EFCAB13: variants seen among roughly 807,000 people sequenced by gnomAD.
The protein encoded by EFCAB13 is EF-hand calcium binding domain 13, also known as EF-hand calcium-binding domain-containing protein 13.
EFCAB13 carries 91 observed loss-of-function variants against 110.2 expected under a neutral mutation model. That is an observed-to-expected ratio of 0.83 (90% CI 0.70 to 0.98). The LOEUF (loss-of-function observed/expected upper bound fraction) is 0.98, where lower values mean the gene tolerates loss of function less well. Among genes scored for constraint, EFCAB13 ranks in the 50% least tolerant of loss-of-function variants. The probability of loss-of-function intolerance (pLI) is 0.00; values close to 1 mark genes in which losing one functional copy is unlikely to be tolerated. For missense variants in EFCAB13, 968 were observed against 1,119.4 expected, an observed-to-expected ratio of 0.86 and a Z score of 1.93; for synonymous variants, 323 against 369.9, an observed-to-expected ratio of 0.87 and a Z score of 1.45.
chr17:47,379,095 A>C, intron 13 of EFCAB13, 87 bp from the exon 14 acceptor site: 1 of 944,964 alleles, frequency 1.1e-6, no homozygotes, highest in South Asian at 1.4e-5. Context: ...GATCAAGTAA[A>C]TTTTAAAAAT....
intron 20 of EFCAB13, 177 bp from the exon 21 acceptor site, chr17:47,409,470 G>A (rs1371361371): frequency 1.4e-5 from 8 of 586,992 alleles, no homozygotes; most frequent in Non-Finnish European, 2.5e-5. Context: ...AGCAAAGAGT[G>A]AGGAGAGAAT....
chr17:47,424,874 C>CTTTTTTTTTTTTT lies in EFCAB13; in HGVS notation c.2495-4930_2495-4918dup, dbSNP rs548271723. Among the ~76,000 whole-genome samples the CTTTTTTTTTTTTT allele has an allele frequency of 6.1e-3, 225 of 36,896 alleles. 41 individuals carry two copies. The highest frequency in any genetic ancestry group is 0.014 in the African/African-American group (114 of 8,112). 24.2% of individuals were successfully genotyped at this position (36,896 alleles called of 152,430 possible). ...AGGATTTCTTTCTCCGGTTGACAATCTTTTTTTTTTTTTTTTTTTTTTTTT... is the reference window on the plus strand; with the variant it reads ...AGGATTTCTTTCTCCGGTTGACAATCTTTTTTTTTTTTTTTTTTTTTTTTTTTTTTTTTTTTTT... On this transcript the variant is annotated intron_variant, in intron 23 of 24. Transcript: ENST00000331493.
chr17:47,420,077 G>A (rs1381478958), intron 23 of EFCAB13, among the ~76,000 whole-genome samples: 1 of 152,176 alleles, frequency 6.6e-6, no homozygotes, highest in Non-Finnish European at 1.5e-5. Context: ...CCTGCCAAGT[G>A]CCTGCAATTG....
chr17:47,364,281 C>CT (rs1431566644), intron 10 of EFCAB13, among the ~76,000 whole-genome samples: 8 of 152,008 alleles, frequency 5.3e-5, no homozygotes, highest in Non-Finnish European at 1.0e-4. Context: ...AACTTTTCTC[C>CT]TTTTTTCTAT....
intron 14 of EFCAB13, among the ~76,000 whole-genome samples, chr17:47,390,305 C>G (rs558004701): frequency 2.0e-5 from 3 of 149,708 alleles, no homozygotes; most frequent in African/African-American, 7.3e-5. Context: ...TACACGCATA[C>G]ACAACCTCTG....
At chr17:47,350,435 C>A (rs1351536340) in intron 9 of EFCAB13, among the ~76,000 whole-genome samples, 1 of 152,148 alleles carries the variant, frequency 6.6e-6, no homozygotes, top group African/African-American at 2.4e-5. Flanking sequence ...TCTATAGAGG[C>A]CAAACTCTCA....
chr17:47,343,158 A>G (rs533062645), intron 6 of EFCAB13, among the ~76,000 whole-genome samples: 1 of 152,106 alleles, frequency 6.6e-6, no homozygotes, highest in East Asian at 1.9e-4. Context: ...TCTTTCATAT[A>G]TAGTTGATCT....
chr17:47,344,943 A>G (rs2065406820), intron 7 of EFCAB13, 73 bp from the exon 8 acceptor site: 3 of 1,106,602 alleles, frequency 2.7e-6, no homozygotes. Context: ...ACTATTGGTA[A>G]GTTTGCTAAT....
At chr17:47,421,397 G>C (rs1048723459) in intron 23 of EFCAB13, among the ~76,000 whole-genome samples, 22 of 152,108 alleles carry the variant, frequency 1.4e-4, no homozygotes, top group Admixed American at 3.9e-4. Context: ...GGCGGTGCAA[G>C]ATGTGCTTTG....
At position 47,363,589 on chromosome 17, in the gene EFCAB13, C is replaced by T. The variant is rs2065529035; in HGVS notation, c.805+2068C>T. Among the ~76,000 whole-genome samples, 3 of 151,994 alleles carry T rather than the reference C, an allele frequency of 2.0e-5. No individual in the cohort carries two copies. In the South Asian group the frequency reaches 6.2e-4, roughly 32 times the overall value. ...TAGGCTGCTAATACATACTGGAAGCCTTAGGGAAAGATTATCAGAGGGGCT... is the reference window on the plus strand; with the variant it reads ...TAGGCTGCTAATACATACTGGAAGCTTTAGGGAAAGATTATCAGAGGGGCT... On this transcript the variant is annotated intron_variant, in intron 10 of 24. Coordinates refer to ENST00000331493, the MANE Select transcript of EFCAB13 (RefSeq NM_152347.5).
Position 47,423,621 on chromosome 17 carries a change from C to A in EFCAB13, c.2495-6197C>A, listed in dbSNP as rs558630646. 268 of 361,006 alleles carry A rather than the reference C, an allele frequency of 7.4e-4. 2 individuals are homozygous for A. Among genetic ancestry groups the A allele is most frequent in the African/African-American group, 5.4e-3 (253 of 47,130 alleles). The allele number at this position is 361,006 out of a possible 1,614,324, so 22.4% of individuals were successfully genotyped here. ...CGCGACGGCCGCCGCGCGCCCCGGT[C>A]CATTGTTTCGCTTCTCTGGGTTCCA... On this transcript the variant is annotated intron_variant, in intron 23 of 24. Coordinates refer to ENST00000331493, the MANE Select transcript of EFCAB13 (RefSeq NM_152347.5).
At chr17:47,433,356 C>T (rs917025989) in intron 24 of EFCAB13, among the ~76,000 whole-genome samples, 10 of 151,824 alleles carry the variant, frequency 6.6e-5, no homozygotes, top group East Asian at 3.9e-4. Flanking sequence ...ATTTTTTCGT[C>T]GTAAAGTTAC....
intron 14 of EFCAB13, among the ~76,000 whole-genome samples, chr17:47,381,048 A>G (rs564274849): frequency 3.3e-4 from 50 of 151,784 alleles, no homozygotes; most frequent in African/African-American, 1.2e-3. Flanking sequence ...ATGCCTGGCT[A>G]ATTTTTTGTA....
chr17:47,347,857 T>G lies in EFCAB13; in HGVS notation c.567T>G (p.Ile189Met), dbSNP rs553472420. The G allele has an allele frequency of 1.3e-6, 2 of 1,547,808 alleles. No individual in the cohort carries two copies. Among genetic ancestry groups the G allele is most frequent in the African/African-American group, 1.3e-5 (1 of 74,248 alleles). The change falls in exon 9 of 25, where the codon ATT becomes ATG. Residue 189 changes from isoleucine to methionine, a missense_variant. Coordinates refer to ENST00000331493, the MANE Select transcript of EFCAB13 (RefSeq NM_152347.5). ...KIFSKIRSGK[I>M]YVNDLPVILC... ...TTAGTAAAATTCGAAGTGGTAAGAT[T>G]TATGTGAATGATCTTCCAGTGATCC...
Position 47,414,853 on chromosome 17 carries a change from A to G in EFCAB13, c.2428A>G (p.Met810Val), listed in dbSNP as rs747326898. The G allele has an allele frequency of 9.4e-6, 15 of 1,601,526 alleles. No homozygotes were observed. In the African/African-American group the frequency reaches 1.7e-4, roughly 19 times the overall value. Residue 810 changes from methionine (M) to valine (V), a missense_variant, in exon 23 of 25, where the codon ATG becomes GTG. Physicochemically the swap from Met to Val is conservative, Grantham distance 21. Transcript: ENST00000331493. ...TTTTTACTTTGACCTTCCAGATAAT[A>G]TGGAGGTGGATTTAAAAGATTTCTT... ...ALNCCNVSDN[M>V]EVDLKDFLMK...
rs151008877 is a variant in EFCAB13 at position 47,343,666 on chromosome 17, T to A, written c.304-496T>A. Among the ~76,000 whole-genome samples the A allele has an allele frequency of 3.7e-4, 56 of 152,310 alleles. 1 individual carries two copies. In the East Asian group the frequency reaches 0.01, roughly 28 times the overall value. On this transcript the variant is annotated intron_variant, in intron 6 of 24. Transcript: ENST00000331493. ...TTATTTTTCTAAAGTGCTACTTTCC[T>A]ATCCACCTAGTGCTTGCCTTTTTGG...
At chr17:47,326,847 G>C (rs967413560) in intron 3 of EFCAB13, among the ~76,000 whole-genome samples, 1 of 152,038 alleles carries the variant, frequency 6.6e-6, no homozygotes, top group Non-Finnish European at 1.5e-5. Context: ...AGGAATGTTG[G>C]ACATATCACA....
intron 14 of EFCAB13, among the ~76,000 whole-genome samples, chr17:47,380,243 C>A (rs561510055): frequency 1.3e-5 from 2 of 152,122 alleles, no homozygotes; most frequent in South Asian, 4.2e-4. Flanking sequence ...CCCCTACCCC[C>A]TGACAGGCCC....
At chr17:47,324,552 A>G (rs533353864) in intron 2 of EFCAB13, 29 bp downstream of exon 2, 7 of 152,314 alleles carry the variant, frequency 4.6e-5, no homozygotes, top group African/African-American at 1.7e-4. Context: ...TGTTACACAA[A>G]TATGAAAACA....
Sources: allele counts gnomAD v4.1 joint callset (sites outside exome capture counted in the v4.1 genomes callset), GRCh38; gene constraint gnomAD v4.1.1; transcripts MANE v1.5; gene names NCBI Gene and HGNC (gene_info 2026-07-23, HGNC 2026-07-21).